Variants in MAGI1 observed in about 807,000 individuals in gnomAD.
The protein encoded by MAGI1 is membrane associated guanylate kinase, WW and PDZ domain containing 1, also known as membrane-associated guanylate kinase, WW and PDZ domain-containing protein 1.
A neutral mutation model predicts 139.9 loss-of-function variants in MAGI1; 58 were observed. That is an observed-to-expected ratio of 0.41 (90% confidence interval 0.34 to 0.52). The LOEUF (loss-of-function observed/expected upper bound fraction) is 0.52. Among genes scored for constraint, MAGI1 ranks in the 20% least tolerant of loss-of-function variants. The pLI, the probability that MAGI1 is intolerant of heterozygous loss-of-function variation, is 0.12. For missense variants in MAGI1, 1,874 were observed against 1,901.6 expected (o/e 0.99, Z 0.27); for synonymous variants, 812 against 737.9 (o/e 1.10, Z -1.63).
intron 1 of MAGI1, among the ~76,000 whole-genome samples, chr3:65,766,440 C>T (rs1002473220): frequency 1.3e-4 from 20 of 152,026 alleles, no homozygotes; most frequent in Admixed American, 1.3e-3. Context: ...AACTACGTTG[C>T]AAGGGATTGT....
intron 1 of MAGI1, among the ~76,000 whole-genome samples, chr3:65,741,627 A>G (rs980524550): frequency 2.0e-5 from 3 of 152,188 alleles, no homozygotes; most frequent in African/African-American, 7.2e-5. Context: ...TTGAGCTACA[A>G]TTTGCAGAGT....
chr3:65,664,223 A>G (rs145873228), intron 1 of MAGI1, among the ~76,000 whole-genome samples: 127 of 152,324 alleles, frequency 8.3e-4, no homozygotes, highest in Non-Finnish European at 1.5e-3. Flanking sequence ...TATGTATTTC[A>G]TGAAAAACAA....
At chr3:65,884,327 C>G (rs542322609) in intron 1 of MAGI1, among the ~76,000 whole-genome samples, 1 of 152,308 alleles carries the variant, frequency 6.6e-6, no homozygotes, top group East Asian at 1.9e-4. Context: ...CAAGTGCAGA[C>G]TCATTACTGA....
intron 2 of MAGI1, among the ~76,000 whole-genome samples, chr3:65,526,244 T>C (rs1035497547): frequency 3.9e-5 from 6 of 152,196 alleles, no homozygotes; most frequent in Non-Finnish European, 7.3e-5. Flanking sequence ...TGTTGACATC[T>C]TTGCCATTTT....
At chr3:65,970,126 G>A in intron 1 of MAGI1, among the ~76,000 whole-genome samples, 1 of 152,058 alleles carries the variant, frequency 6.6e-6, no homozygotes, top group East Asian at 1.9e-4. Flanking sequence ...AACAAATCGA[G>A]GTGTGCATAC....
intron 1 of MAGI1, among the ~76,000 whole-genome samples, chr3:66,033,489 G>C (rs1016785774): frequency 6.6e-6 from 1 of 151,830 alleles, no homozygotes; most frequent in Non-Finnish European, 1.5e-5. Flanking sequence ...TCACTGAGGA[G>C]AAAGAAGCAA....
chr3:65,508,212 G>C (rs914852059), intron 2 of MAGI1, among the ~76,000 whole-genome samples: 11 of 152,074 alleles, frequency 7.2e-5, no homozygotes, highest in African/African-American at 2.2e-4. Flanking sequence ...CACCATCCTG[G>C]CTAACACGGT....
intron 1 of MAGI1, among the ~76,000 whole-genome samples, chr3:65,833,668 G>C (rs1247324724): frequency 6.6e-6 from 1 of 152,168 alleles, no homozygotes; most frequent in Non-Finnish European, 1.5e-5. Context: ...GGCTTTATGA[G>C]ATTTTTGTTG....
intron 1 of MAGI1, among the ~76,000 whole-genome samples, chr3:65,881,920 G>A (rs1015552931): frequency 6.6e-6 from 1 of 152,204 alleles, no homozygotes; most frequent in African/African-American, 2.4e-5. Flanking sequence ...TAGCTAGGCA[G>A]TGCCCATCCA....
At chr3:65,406,024 C>G (rs1160358771) in intron 12 of MAGI1, among the ~76,000 whole-genome samples, 1 of 152,190 alleles carries the variant, frequency 6.6e-6, no homozygotes, top group Admixed American at 6.5e-5. Context: ...CCACGCCCGG[C>G]CTCTATACTG....
chr3:65,911,577 T>G (rs60101729), intron 1 of MAGI1, among the ~76,000 whole-genome samples: 28 of 152,338 alleles, frequency 1.8e-4, no homozygotes, highest in Admixed American at 1.7e-3. Context: ...CTAACTTGCA[T>G]GCTTATTAAA....
At chr3:65,490,345 C>G (rs1004356439) in intron 3 of MAGI1, among the ~76,000 whole-genome samples, 7 of 152,310 alleles carry the variant, frequency 4.6e-5, no homozygotes, top group Middle Eastern at 3.4e-3. Context: ...GGCAGTGTGA[C>G]AGCAGGGCTT....
chr3:65,994,252 C>T (rs1413341524), intron 1 of MAGI1, among the ~76,000 whole-genome samples: 6 of 128,038 alleles, frequency 4.7e-5, no homozygotes, highest in South Asian at 5.0e-4. Flanking sequence ...CCAGCCTGGG[C>T]GACAAAGCAA....
intron 13 of MAGI1, among the ~76,000 whole-genome samples, chr3:65,395,463 G>GA (rs752612805): frequency 6.6e-6 from 1 of 150,874 alleles, no homozygotes; most frequent in East Asian, 2.0e-4. Flanking sequence ...CCAACATGGT[G>GA]AAACTCCATC....
At chr3:65,789,718 C>T (rs943786686) in intron 1 of MAGI1, among the ~76,000 whole-genome samples, 18 of 152,126 alleles carry the variant, frequency 1.2e-4, no homozygotes, top group African/African-American at 4.3e-4. Flanking sequence ...GCCCACGGCC[C>T]TATGGCTGCA....
intron 1 of MAGI1, among the ~76,000 whole-genome samples, chr3:65,660,670 T>C (rs572999857): frequency 2.0e-5 from 3 of 152,346 alleles, no homozygotes; most frequent in Admixed American, 6.5e-5. Flanking sequence ...ATGGTTAAAC[T>C]CACAGAAAGC....
intron 1 of MAGI1, among the ~76,000 whole-genome samples, chr3:65,785,056 G>A (rs2039273080): frequency 6.6e-6 from 1 of 152,148 alleles, no homozygotes; most frequent in African/African-American, 2.4e-5. Flanking sequence ...CGCACACGCT[G>A]TGTATCTATT....
chr3:65,803,417 C>T (rs2040642706), intron 1 of MAGI1, among the ~76,000 whole-genome samples: 1 of 152,134 alleles, frequency 6.6e-6, no homozygotes, highest in South Asian at 2.1e-4. Context: ...AAAAGATAGA[C>T]TTAAAATTTC....
chr3:65,453,637 A>G (rs1949185021), intron 5 of MAGI1, among the ~76,000 whole-genome samples: 1 of 152,200 alleles, frequency 6.6e-6, no homozygotes, highest in Non-Finnish European at 1.5e-5. Flanking sequence ...CCTTGCGTAT[A>G]CCATCTACCC....
Sources: allele counts gnomAD v4.1 joint callset (sites outside exome capture counted in the v4.1 genomes callset), GRCh38; gene constraint gnomAD v4.1.1; transcripts MANE v1.5; gene names NCBI Gene and HGNC (gene_info 2026-07-23, HGNC 2026-07-21).